Variants in SMAD7 observed in about 807,000 individuals in gnomAD.
SMAD7 encodes the protein SMAD family member 7, also known as MAD (mothers against decapentaplegic, Drosophila) homolog 7.
SMAD7 carries 8 observed loss-of-function variants against 38.7 expected under a neutral mutation model. That is an observed-to-expected ratio of 0.21 (90% CI 0.12 to 0.37). The LOEUF (loss-of-function observed/expected upper bound fraction) is 0.37, where lower values mean the gene tolerates loss of function less well. Ranked by LOEUF, SMAD7 falls within the 10% of genes least tolerant of loss-of-function variation. The pLI is 1.00. For synonymous variants in SMAD7, 327 were observed against 265.1 expected, an observed-to-expected ratio of 1.23 and a Z score of -2.27; for missense variants, 477 against 577.9, an observed-to-expected ratio of 0.83 and a Z score of 1.79.
At chr18:48,939,894 T>G (rs796751341) in intron 3 of SMAD7, among the ~76,000 whole-genome samples, 8 of 136,158 alleles carry the variant, frequency 5.9e-5, no homozygotes, top group African/African-American at 2.2e-4. Flanking sequence ...CCACATCCAG[T>G]CACTGGCCTC....
At chr18:48,949,008 G>C (rs1272868911) in intron 1 of SMAD7, among the ~76,000 whole-genome samples, 1 of 152,256 alleles carries the variant, frequency 6.6e-6, no homozygotes, top group East Asian at 1.9e-4. Flanking sequence ...GGAAGGAATG[G>C]AGAAAGCTGA....
chr18:48,921,944 G>A lies in SMAD7; in HGVS notation c.743-34C>T. 1 of 1,538,296 alleles carries A rather than the reference G, an allele frequency of 6.5e-7. No individual in the cohort carries two copies. Among genetic ancestry groups the A allele is most frequent in the Non-Finnish European group, 8.7e-7 (1 of 1,143,656 alleles). The stretch of plus-strand genomic sequence containing the variant: ...CACATTGGCAGAGAGGGTTAGTGGG[G>A]ACAGGCATTGGTGACTCCTAGAATG... On this transcript the variant is annotated intron_variant, in intron 3 of 3. Coordinates refer to ENST00000262158, the MANE Select transcript of SMAD7 (RefSeq NM_005904.4). The surrounding 1 kb of genome is among the most constrained non-coding windows in gnomAD (Gnocchi z 6.4).
At chr18:48,939,702 G>A (rs751564527) in intron 3 of SMAD7, among the ~76,000 whole-genome samples, 17 of 151,912 alleles carry the variant, frequency 1.1e-4, no homozygotes, top group Non-Finnish European at 2.1e-4. Context: ...CATTAAGCCC[G>A]CTCTCAGCCA....
At chr18:48,930,292 A>G (rs2143774750) in intron 3 of SMAD7, 1 of 152,028 alleles carries the variant, frequency 6.6e-6, no homozygotes, top group Middle Eastern at 3.3e-3. Flanking sequence ...GGACACACTC[A>G]CTGTTCAGCC....
chr18:48,948,458 G>A, intron 1 of SMAD7, 21 bp from the exon 2 acceptor site: 1 of 1,541,514 alleles, frequency 6.5e-7, no homozygotes, highest in South Asian at 1.2e-5. Context: ...AAAAGCAAGA[G>A]AAAATAAAGG....
intron 3 of SMAD7, among the ~76,000 whole-genome samples, chr18:48,937,045 C>G (rs2070075673): frequency 6.6e-6 from 1 of 151,626 alleles, no homozygotes. Context: ...TGCCATTGCA[C>G]TCCAGCCTGG....
At chr18:48,932,441 C>G (rs1487076605) in intron 3 of SMAD7, among the ~76,000 whole-genome samples, 2 of 152,202 alleles carry the variant, frequency 1.3e-5, no homozygotes, top group African/African-American at 4.8e-5. Context: ...TCTGAGTTGT[C>G]TTCTGGCTGA....
At chr18:48,924,703 C>A (rs34007497) in intron 3 of SMAD7, among the ~76,000 whole-genome samples, 5 of 151,996 alleles carry the variant, frequency 3.3e-5, no homozygotes, top group African/African-American at 4.8e-5. Context: ...CTGCTCCTCC[C>A]TCGCTGTCCC....
chr18:48,922,825 C>T (rs79544247), intron 3 of SMAD7, among the ~76,000 whole-genome samples: 13,729 of 152,124 alleles, frequency 0.09, 682 homozygotes, highest in East Asian at 0.22. Context: ...CGCCCTGCTC[C>T]GCCCTCATCC....
intron 3 of SMAD7, among the ~76,000 whole-genome samples, chr18:48,940,277 GCC>G (rs2070122123): frequency 6.6e-6 from 1 of 152,202 alleles, no homozygotes; most frequent in African/African-American, 2.4e-5. Flanking sequence ...CATGTGGAAG[GCC>G]CCCTCTTCTC....
At chr18:48,942,754 G>T in intron 2 of SMAD7, 199 bp from the exon 3 acceptor site, 1 of 1,431,014 alleles carries the variant, frequency 7.0e-7, no homozygotes, top group Non-Finnish European at 9.1e-7. Context: ...CTTGTCACCC[G>T]TCTGGGCTCC....
Position 48,948,376 on chromosome 18 carries a change from C to G in SMAD7, c.667+8G>C. Reference sequence around the variant, plus strand: ...ATAAGCAGGATATTTTAAAAATCATCTACTCACCAGTTGGTTTGAGAAAAT... The same window carrying G: ...ATAAGCAGGATATTTTAAAAATCATGTACTCACCAGTTGGTTTGAGAAAAT... On this transcript the variant is annotated splice_region_variant and intron_variant, in intron 2 of 3. Transcript: ENST00000262158. The G allele has an allele frequency of 6.4e-7, 1 of 1,574,198 alleles. No homozygotes were observed. The highest frequency in any genetic ancestry group is 8.7e-7 in the Non-Finnish European group (1 of 1,151,764).
chr18:48,940,832 C>T (rs2070130235), intron 3 of SMAD7, among the ~76,000 whole-genome samples: 1 of 151,786 alleles, frequency 6.6e-6, no homozygotes, highest in African/African-American at 2.4e-5. Flanking sequence ...AAAAAAAGCC[C>T]ACCCATCTCC....
intron 3 of SMAD7, among the ~76,000 whole-genome samples, chr18:48,935,449 C>G (rs938721326): frequency 6.6e-6 from 1 of 152,152 alleles, no homozygotes; most frequent in East Asian, 1.9e-4. Flanking sequence ...CACGAGGCTC[C>G]CGCAAAGGGA....
chr18:48,934,527 G>C (rs1337940242), intron 3 of SMAD7, among the ~76,000 whole-genome samples: 1 of 152,022 alleles, frequency 6.6e-6, no homozygotes, highest in Non-Finnish European at 1.5e-5. Flanking sequence ...CAGTGTTGAG[G>C]ACTCCCCAGC....
intron 3 of SMAD7, among the ~76,000 whole-genome samples, chr18:48,939,874 T>C (rs909915546): frequency 1.6e-5 from 2 of 122,862 alleles, no homozygotes; most frequent in African/African-American, 3.1e-5. Flanking sequence ...CCTTCCCCCA[T>C]CCAGCCCTGC....
At chr18:48,947,901 C>CG (rs1427930771) in intron 2 of SMAD7, among the ~76,000 whole-genome samples, 1 of 150,598 alleles carries the variant, frequency 6.6e-6, no homozygotes, top group African/African-American at 2.4e-5. Flanking sequence ...TACCCCCCCC[C>CG]CCCTTTTACT....
Position 48,950,020 on chromosome 18 carries a change from C to T in SMAD7, c.405G>A (p.Arg135=). The T allele has an allele frequency of 6.5e-7, 1 of 1,529,436 alleles. No homozygotes were observed. The highest frequency in any genetic ancestry group is 8.8e-7 in the Non-Finnish European group (1 of 1,142,224). The allele number at this position is 1,529,436 out of a possible 1,614,324, so 94.7% of individuals were successfully genotyped here. Residue 135 remains arginine (R), a synonymous_variant, in exon 1 of 4, where the codon AGG becomes AGA. Coordinates refer to ENST00000262158, the MANE Select transcript of SMAD7 (RefSeq NM_005904.4). ...CGCCGGCGGGCGCCCCCGGGCCCAG[C>T]CTGCAGTCCAGGCGGCCGGGCAGCA... ...CLLLPGRLDC[R]LGPGAPAGAQ...
intron 3 of SMAD7, among the ~76,000 whole-genome samples, chr18:48,939,338 A>C (rs977563569): frequency 3.3e-5 from 5 of 151,584 alleles, no homozygotes; most frequent in South Asian, 4.2e-4. Context: ...GGTGTGTTTC[A>C]CTGCAAGTCC....
Sources: gnomAD v4.1 joint callset for allele counts (sites outside exome capture counted in the v4.1 genomes callset) on GRCh38, gnomAD v4.1.1 for gene constraint, Gnocchi (gnomAD v3.1) non-coding constraint, MANE v1.5 for transcripts, NCBI Gene and HGNC (gene_info 2026-07-23, HGNC 2026-07-21) for gene names.